Variants in NPAS3 observed in about 807,000 individuals in gnomAD.
NPAS3 encodes neuronal PAS domain protein 3.
In NPAS3, 14 loss-of-function variants were observed where a neutral mutation model predicts 73.1. The ratio of observed to expected loss-of-function variants is 0.19; its 90% CI spans 0.13 to 0.30. The LOEUF (loss-of-function observed/expected upper bound fraction) is 0.30, where lower values mean the gene tolerates loss of function less well. Ranked by LOEUF, NPAS3 falls within the 10% of genes least tolerant of loss-of-function variation. The pLI, the probability that NPAS3 is intolerant of heterozygous loss-of-function variation, is 1.00. For missense variants in NPAS3, 1,096 were observed against 1,250.0 expected, an observed-to-expected ratio of 0.88 and a Z score of 1.86; for synonymous variants, 620 against 541.5, an observed-to-expected ratio of 1.14 and a Z score of -2.01.
chr14:33,772,698 C>T (rs967890684), intron 7 of NPAS3, among the ~76,000 whole-genome samples: 1 of 152,166 alleles, frequency 6.6e-6, no homozygotes, highest in Non-Finnish European at 1.5e-5. Flanking sequence ...AAGTTAATCC[C>T]ATTTCTTTTA....
At chr14:33,051,770 T>G (rs113409685) in intron 1 of NPAS3, among the ~76,000 whole-genome samples, 1,946 of 152,260 alleles carry the variant, frequency 0.013, 15 homozygotes, top group Middle Eastern at 0.02. Context: ...TTACATTTTT[T>G]TGTGTGTGAG....
chr14:33,670,025 C>A (rs1028867787), intron 5 of NPAS3, among the ~76,000 whole-genome samples: 1 of 152,182 alleles, frequency 6.6e-6, no homozygotes, highest in African/African-American at 2.4e-5. Context: ...CAGCGATTCT[C>A]CTGCCTCAGC....
intron 7 of NPAS3, among the ~76,000 whole-genome samples, chr14:33,747,492 C>T (rs1222771877): frequency 6.6e-6 from 1 of 152,184 alleles, no homozygotes; most frequent in Non-Finnish European, 1.5e-5. Flanking sequence ...CCCATCCCAC[C>T]ATCAAATGAA....
At chr14:33,253,496 G>A (rs143879006) in intron 3 of NPAS3, among the ~76,000 whole-genome samples, 1 of 151,954 alleles carries the variant, frequency 6.6e-6, no homozygotes, top group Non-Finnish European at 1.5e-5. Context: ...TTTCCCAATG[G>A]TAATCAAGCT....
At chr14:33,024,922 A>G (rs146703496) in intron 1 of NPAS3, among the ~76,000 whole-genome samples, 4 of 152,348 alleles carry the variant, frequency 2.6e-5, no homozygotes, top group African/African-American at 9.6e-5. Flanking sequence ...TTTAAAATCT[A>G]AGTTATAAAT....
At chr14:33,356,518 C>T (rs186012944) in intron 3 of NPAS3, among the ~76,000 whole-genome samples, 85 of 152,352 alleles carry the variant, frequency 5.6e-4, no homozygotes, top group East Asian at 7.7e-4. Flanking sequence ...ATACAAGTAT[C>T]TGACTTAGTT....
chr14:33,683,847 C>A (rs2060010143), intron 6 of NPAS3, among the ~76,000 whole-genome samples: 1 of 152,178 alleles, frequency 6.6e-6, no homozygotes, highest in Admixed American at 6.5e-5. Flanking sequence ...CAACGCTTAC[C>A]CAGGCCACTG....
At chr14:33,252,668 G>T (rs567954789) in intron 3 of NPAS3, among the ~76,000 whole-genome samples, 2 of 151,472 alleles carry the variant, frequency 1.3e-5, no homozygotes, top group South Asian at 2.1e-4. Flanking sequence ...GATTCAGGGG[G>T]TATATGTGCA....
At chr14:33,660,082 C>T (rs968602949) in intron 5 of NPAS3, among the ~76,000 whole-genome samples, 14 of 152,098 alleles carry the variant, frequency 9.2e-5, no homozygotes, top group African/African-American at 3.4e-4. Flanking sequence ...GACAGACTTT[C>T]TAGCCTGAGG....
In NPAS3 at chr14:33,178,070, A is replaced by ATTTT. The variant is rs780708461; in HGVS notation, c.141-37107_141-37104dup. On this transcript the variant is annotated intron_variant, in intron 2 of 11. Coordinates refer to ENST00000356141, the Ensembl canonical transcript of NPAS3. ...GGAATTTTGATAGGCATTGAAGTGAATTTTTTTTGTTTTTTTTTTTTTGGA... is the reference window on the plus strand; with the variant it reads ...GGAATTTTGATAGGCATTGAAGTGAATTTTTTTTTTTTGTTTTTTTTTTTTTGGA... Among the ~76,000 whole-genome samples, 21 of 123,864 alleles carry ATTTT rather than the reference A, an allele frequency of 1.7e-4. 7 individuals are homozygous for ATTTT. Among genetic ancestry groups the ATTTT allele is most frequent in the Admixed American group, 1.8e-4 (2 of 11,024 alleles). 81.3% of individuals were successfully genotyped at this position (123,864 alleles called of 152,430 possible). A position where few individuals can be genotyped will look rare whatever the true frequency, so the allele number is the denominator to read the frequency against.
intron 2 of NPAS3, among the ~76,000 whole-genome samples, chr14:33,117,112 T>G (rs1267657041): frequency 1.3e-5 from 2 of 152,156 alleles, no homozygotes; most frequent in Non-Finnish European, 2.9e-5. Context: ...GGGGGTACAA[T>G]GTGATGTTTT....
At chr14:33,537,395 G>A (rs1259780361) in intron 4 of NPAS3, among the ~76,000 whole-genome samples, 1 of 152,154 alleles carries the variant, frequency 6.6e-6, no homozygotes, top group Admixed American at 6.5e-5. Context: ...ATCTCCTAGG[G>A]TGGATTATTG....
At chr14:33,532,423 C>G (rs1298964278) in intron 4 of NPAS3, among the ~76,000 whole-genome samples, 1 of 152,084 alleles carries the variant, frequency 6.6e-6, no homozygotes, top group African/African-American at 2.4e-5. Flanking sequence ...TTCAGCAGCT[C>G]TGGGATGGGG....
intron 1 of NPAS3, among the ~76,000 whole-genome samples, chr14:32,977,134 A>T (rs1450630197): frequency 6.6e-6 from 1 of 150,750 alleles, no homozygotes; most frequent in Non-Finnish European, 1.5e-5. Flanking sequence ...GCAACAACTA[A>T]AAACACTGAT....
intron 6 of NPAS3, among the ~76,000 whole-genome samples, chr14:33,712,284 C>T (rs555496747): frequency 6.6e-6 from 1 of 152,160 alleles, no homozygotes; most frequent in East Asian, 1.9e-4. Context: ...ACACCCCCCA[C>T]CAAATGACCA....
At chr14:33,005,996 G>A (rs2038990156) in intron 1 of NPAS3, among the ~76,000 whole-genome samples, 1 of 152,110 alleles carries the variant, frequency 6.6e-6, no homozygotes, top group Non-Finnish European at 1.5e-5. Context: ...GAGCCAGCTG[G>A]CTGACCAGAA....
At chr14:33,303,514 T>A (rs1397074844) in intron 3 of NPAS3, among the ~76,000 whole-genome samples, 1 of 152,204 alleles carries the variant, frequency 6.6e-6, no homozygotes, top group Non-Finnish European at 1.5e-5. Flanking sequence ...ATCAGAGTTA[T>A]TCTATGGTAG....
chr14:32,975,536 G>A (rs985941239), intron 1 of NPAS3, among the ~76,000 whole-genome samples: 5 of 152,118 alleles, frequency 3.3e-5, no homozygotes, highest in Admixed American at 6.5e-5. Context: ...CTTTCAAATG[G>A]TCATTGTCAC....
chr14:33,206,663 T>C (rs889207757), intron 2 of NPAS3, among the ~76,000 whole-genome samples: 2 of 152,206 alleles, frequency 1.3e-5, no homozygotes, highest in Non-Finnish European at 2.9e-5. Flanking sequence ...GACTGAAATA[T>C]AGTAAGCATT....
Sources: gnomAD v4.1 joint callset for allele counts (sites outside exome capture counted in the v4.1 genomes callset) on GRCh38, gnomAD v4.1.1 for gene constraint, MANE v1.5 for transcripts, NCBI Gene and HGNC (gene_info 2026-07-23, HGNC 2026-07-21) for gene names.